The following RSRC1 variants were observed in gnomAD, a reference collection of about 807,000 sequenced individuals.
RSRC1 encodes arginine and serine rich coiled-coil 1.
Under a neutral mutation model 49.1 loss-of-function variants are expected in RSRC1, and 39 were observed. The ratio of observed to expected loss-of-function variants is 0.79; its 90% CI spans 0.61 to 1.04. The LOEUF (loss-of-function observed/expected upper bound fraction) is 1.04. RSRC1 is among the 50% of genes least tolerant of loss of function. The pLI is 0.00. For missense variants in RSRC1, 388 were observed against 402.4 expected (o/e 0.96, Z 0.31); for synonymous variants, 143 against 130.8 (o/e 1.09, Z -0.63).
chr3:158,514,751 T>C (rs1214175531), intron 7 of RSRC1, among the ~76,000 whole-genome samples: 2 of 152,128 alleles, frequency 1.3e-5, no homozygotes, highest in Non-Finnish European at 2.9e-5. Context: ...TGTGGGAGTC[T>C]AAGTCTCTTT....
At chr3:158,299,934 T>G (rs1203361421) in intron 5 of RSRC1, among the ~76,000 whole-genome samples, 1 of 152,200 alleles carries the variant, frequency 6.6e-6, no homozygotes, top group Admixed American at 6.6e-5. Flanking sequence ...CACTTTTACT[T>G]ATTTTGTAAA....
chr3:158,144,411 T>G (rs1388571407), intron 3 of RSRC1, among the ~76,000 whole-genome samples: 1 of 152,166 alleles, frequency 6.6e-6, no homozygotes, highest in African/African-American at 2.4e-5. Context: ...TGCGATAGTT[T>G]GCTGAGAATG....
chr3:158,522,617 T>C (rs1249013906), intron 7 of RSRC1, among the ~76,000 whole-genome samples: 1 of 152,184 alleles, frequency 6.6e-6, no homozygotes, highest in Non-Finnish European at 1.5e-5. Context: ...AAGGAGATTA[T>C]AATTGCAGAT....
chr3:158,181,699 A>G (rs1719632761), intron 3 of RSRC1, among the ~76,000 whole-genome samples: 1 of 152,206 alleles, frequency 6.6e-6, no homozygotes, highest in Non-Finnish European at 1.5e-5. Flanking sequence ...AAGAGGAGAA[A>G]ATGACATTAG....
chr3:158,231,970 T>C (rs1238071493), intron 4 of RSRC1, among the ~76,000 whole-genome samples: 1 of 152,180 alleles, frequency 6.6e-6, no homozygotes, highest in African/African-American at 2.4e-5. Context: ...TAGAGACTTA[T>C]TAAAATAAGA....
chr3:158,446,535 G>A (rs1389979311), intron 6 of RSRC1, among the ~76,000 whole-genome samples: 2 of 151,826 alleles, frequency 1.3e-5, no homozygotes, highest in Non-Finnish European at 2.9e-5. Context: ...GCCTGTAATA[G>A]AAAGAAATGC....
chr3:158,458,200 T>C (rs4324501), intron 6 of RSRC1, among the ~76,000 whole-genome samples: 48,749 of 151,960 alleles, frequency 0.32, 8,602 homozygotes, highest in Middle Eastern at 0.47. Flanking sequence ...TAACTATGGA[T>C]GCTGACTAAG....
chr3:158,302,432 A>G (rs1024471876), intron 5 of RSRC1, among the ~76,000 whole-genome samples: 8 of 151,964 alleles, frequency 5.3e-5, no homozygotes, highest in African/African-American at 1.7e-4. Context: ...TAAGAAAATA[A>G]TTTTTTTAAT....
intron 4 of RSRC1, among the ~76,000 whole-genome samples, chr3:158,264,116 G>A (rs1170269411): frequency 6.6e-6 from 1 of 151,888 alleles, no homozygotes; most frequent in East Asian, 1.9e-4. Flanking sequence ...GTTTCTTAAG[G>A]TATAAGCTGA....
intron 4 of RSRC1, among the ~76,000 whole-genome samples, chr3:158,233,912 T>G (rs936900720): frequency 6.6e-6 from 1 of 152,148 alleles, no homozygotes; most frequent in African/African-American, 2.4e-5. Context: ...AACAATTGTT[T>G]GTTGATCTTA....
At chr3:158,316,589 C>G (rs1339635305) in intron 5 of RSRC1, among the ~76,000 whole-genome samples, 2 of 151,696 alleles carry the variant, frequency 1.3e-5, no homozygotes, top group Non-Finnish European at 2.9e-5. Context: ...GGACTACAGG[C>G]GCCCGCCACC....
intron 4 of RSRC1, among the ~76,000 whole-genome samples, chr3:158,246,137 A>G (rs1385652250): frequency 6.6e-6 from 1 of 151,964 alleles, no homozygotes; most frequent in Non-Finnish European, 1.5e-5. Flanking sequence ...TCAGCAAACT[A>G]TCGTTAAGAA....
chr3:158,281,257 A>G (rs1313311779), intron 4 of RSRC1, among the ~76,000 whole-genome samples: 1 of 152,138 alleles, frequency 6.6e-6, no homozygotes, highest in Non-Finnish European at 1.5e-5. Context: ...TTTCTGAAAT[A>G]GGAAATACTG....
chr3:158,401,536 T>C (rs1417749033), intron 6 of RSRC1, among the ~76,000 whole-genome samples: 1 of 152,030 alleles, frequency 6.6e-6, no homozygotes, highest in Non-Finnish European at 1.5e-5. Context: ...TCTCTTTTAT[T>C]TCCCAAACTT....
rs141081875 is a variant in RSRC1 at position 158,202,172 on chromosome 3, G to A, written c.321-900G>A. Among the ~76,000 whole-genome samples, 503 of 152,074 alleles carry A rather than the reference G, an allele frequency of 3.3e-3. 1 individual carries two copies. Among genetic ancestry groups the A allele is most frequent in the Middle Eastern group, 6.8e-3 (2 of 294 alleles). On this transcript the variant is annotated intron_variant, in intron 3 of 9. Transcript: ENST00000611884. ...TGGGATTACAGGCATGTGCCACCAC[G>A]CCCAGCTAATTTTTATATTTTTAGT... is the stretch of plus-strand genomic sequence containing the variant.
At chr3:158,510,261 A>T (rs1441134577) in intron 7 of RSRC1, among the ~76,000 whole-genome samples, 1 of 152,142 alleles carries the variant, frequency 6.6e-6, no homozygotes, top group Non-Finnish European at 1.5e-5. Context: ...TATCTGTGAC[A>T]TGTTTATTCA....
chr3:158,461,819 C>T (rs1218863778), intron 7 of RSRC1, among the ~76,000 whole-genome samples: 4 of 151,672 alleles, frequency 2.6e-5, no homozygotes, highest in Admixed American at 2.0e-4. Context: ...CTTTTGAGTG[C>T]TGTAGTCAAA....
rs1350532809 is a variant in RSRC1, at chr3:158,367,797, TA to T, written c.583+12894del. Among the ~76,000 whole-genome samples, 7 of 152,296 alleles carry T rather than the reference TA, an allele frequency of 4.6e-5. No homozygotes were observed. In the South Asian group the frequency reaches 1.5e-3, roughly 32 times the overall value. On this transcript the variant is annotated intron_variant, in intron 6 of 9. Transcript: ENST00000611884. ...CAATCAAGTATGGTTTATGGAAACT[TA>T]AAAATTTGATGTCAAATTGAATAGG...
At chr3:158,426,897 T>C (rs1350812019) in intron 6 of RSRC1, among the ~76,000 whole-genome samples, 2 of 151,784 alleles carry the variant, frequency 1.3e-5, no homozygotes, top group Admixed American at 6.6e-5. Flanking sequence ...AAAATCTAAT[T>C]TATCAAAGGT....
Sources: allele counts gnomAD v4.1 joint callset (sites outside exome capture counted in the v4.1 genomes callset), GRCh38; gene constraint gnomAD v4.1.1; transcripts MANE v1.5; gene names NCBI Gene and HGNC (gene_info 2026-07-23, HGNC 2026-07-21).